The following PDE1A variants were observed in gnomAD, a reference collection of about 807,000 sequenced individuals.
PDE1A encodes dual specificity calcium/calmodulin-dependent 3',5'-cyclic nucleotide phosphodiesterase 1A.
In PDE1A, 35 loss-of-function variants were observed where a neutral mutation model predicts 61.7. The ratio of observed to expected loss-of-function variants is 0.57; its 90% CI spans 0.43 to 0.75. The LOEUF (loss-of-function observed/expected upper bound fraction) is 0.75, where lower values mean the gene tolerates loss of function less well. Ranked by LOEUF, PDE1A falls within the 30% of genes least tolerant of loss-of-function variation. The probability of loss-of-function intolerance (pLI) is 0.00; values close to 1 mark genes in which losing one functional copy is unlikely to be tolerated. For missense variants in PDE1A, 597 were observed against 630.6 expected (o/e 0.95, Z 0.57); for synonymous variants, 232 against 213.2 (o/e 1.09, Z -0.77).
intron 1 of PDE1A, among the ~76,000 whole-genome samples, chr2:182,304,490 G>A (rs1032895431): frequency 6.6e-6 from 1 of 152,196 alleles, no homozygotes; most frequent in Admixed American, 6.5e-5. Context: ...TTTGGCATAA[G>A]AGACATAGTT....
intron 1 of PDE1A, among the ~76,000 whole-genome samples, chr2:182,418,943 T>G (rs1703093461): frequency 6.6e-6 from 1 of 152,156 alleles, no homozygotes; most frequent in African/African-American, 2.4e-5. Context: ...GCGCAGATCA[T>G]TTTAAGCCAC....
the PDE1A span, among the ~76,000 whole-genome samples, chr2:182,553,104 G>A: frequency 1.3e-5 from 2 of 152,188 alleles, no homozygotes; most frequent in African/African-American, 2.4e-5. Flanking sequence ...TGGACTCCAC[G>A]GTTCTCTTCC....
intron 2 of PDE1A, among the ~76,000 whole-genome samples, chr2:182,472,574 G>A (rs553678758): frequency 3.3e-4 from 50 of 151,866 alleles, no homozygotes; most frequent in Non-Finnish European, 6.8e-4. Flanking sequence ...GGGATGAGGA[G>A]GGGTGAATGA....
chr2:182,448,442 T>A (rs770406316), intron 2 of PDE1A, among the ~76,000 whole-genome samples: 10 of 152,042 alleles, frequency 6.6e-5, no homozygotes, highest in Non-Finnish European at 1.3e-4. Flanking sequence ...GATTTACACA[T>A]ATCCCGAAAC....
At chr2:182,181,038 C>T (rs1043819203) in intron 13 of PDE1A, among the ~76,000 whole-genome samples, 4 of 151,952 alleles carry the variant, frequency 2.6e-5, no homozygotes, top group African/African-American at 9.7e-5. Context: ...GAACATGCTC[C>T]TTTAGCTCAG....
At chr2:182,555,208 A>T in the PDE1A span, among the ~76,000 whole-genome samples, 1 of 152,232 alleles carries the variant, frequency 6.6e-6, no homozygotes, top group Non-Finnish European at 1.5e-5. Flanking sequence ...ATCTTAACCA[A>T]AAAAGGATTT....
upstream of PDE1A, among the ~76,000 whole-genome samples, chr2:182,527,358 A>G (rs1690794874): frequency 9.7e-6 from 1 of 103,032 alleles, no homozygotes; most frequent in South Asian, 3.0e-4. Context: ...ATATATATAT[A>G]TATATATATA....
intron 1 of PDE1A, among the ~76,000 whole-genome samples, chr2:182,391,840 C>T (rs2195611): frequency 6.6e-6 from 1 of 151,974 alleles, no homozygotes; most frequent in Non-Finnish European, 1.5e-5. Context: ...TGAAATTGAT[C>T]GGAGGCCTGC....
In PDE1A at chr2:182,411,953, G is replaced by A. The variant is rs922023364; in HGVS notation, c.53+14625C>T. Among the ~76,000 whole-genome samples, 10 of 152,026 alleles carry A rather than the reference G, an allele frequency of 6.6e-5. No individual in the cohort carries two copies. In the East Asian group the frequency reaches 9.7e-4, roughly 15 times the overall value. ...TGTGCCTGTAATCCCAGCTACTCGG[G>A]AGGCTGAGGCAGGAGAATTGCTTGA... On this transcript the variant is annotated intron_variant, in intron 1 of 13. Transcript: ENST00000351439.
intron 1 of PDE1A, among the ~76,000 whole-genome samples, chr2:182,319,280 T>C (rs1696553125): frequency 6.6e-6 from 1 of 152,184 alleles, no homozygotes; most frequent in Non-Finnish European, 1.5e-5. Flanking sequence ...TCTTTATTGA[T>C]GTTATTAAAC....
the PDE1A span, among the ~76,000 whole-genome samples, chr2:182,592,520 G>C: frequency 1.2e-4 from 18 of 152,272 alleles, no homozygotes; most frequent in African/African-American, 4.1e-4. Context: ...AAAATTAAGA[G>C]GTGGTTTTAG....
chr2:182,689,954 C>T, the PDE1A span, among the ~76,000 whole-genome samples: 1 of 152,184 alleles, frequency 6.6e-6, no homozygotes, highest in South Asian at 2.1e-4. Context: ...TTCCTTGACA[C>T]ATACACCCTC....
the PDE1A span, among the ~76,000 whole-genome samples, chr2:182,713,524 G>C: frequency 6.6e-6 from 1 of 152,254 alleles, no homozygotes; most frequent in South Asian, 2.1e-4. Flanking sequence ...CCCACTACTT[G>C]GGAGGCTGAG....
chr2:182,395,594 T>C (rs1026712785), intron 1 of PDE1A, among the ~76,000 whole-genome samples: 1 of 152,162 alleles, frequency 6.6e-6, no homozygotes, highest in African/African-American at 2.4e-5. Context: ...TTTGGGTGTG[T>C]TATGCCAGCC....
the PDE1A span, among the ~76,000 whole-genome samples, chr2:182,538,308 C>T: frequency 6.6e-6 from 1 of 152,092 alleles, no homozygotes; most frequent in Admixed American, 6.5e-5. Flanking sequence ...GACTGTGCCT[C>T]TCTTGCTTTT....
At chr2:182,352,665 T>C (rs910170381) in intron 1 of PDE1A, among the ~76,000 whole-genome samples, 1 of 151,846 alleles carries the variant, frequency 6.6e-6, no homozygotes, top group African/African-American at 2.4e-5. Flanking sequence ...TTTTTTTTTT[T>C]CAGTTAATTT....
intron 1 of PDE1A, among the ~76,000 whole-genome samples, chr2:182,343,491 A>C (rs1046831005): frequency 1.3e-5 from 2 of 152,230 alleles, no homozygotes; most frequent in Non-Finnish European, 2.9e-5. Flanking sequence ...TTAGTATAAT[A>C]TGTTTCTTCT....
chr2:182,453,233 G>A (rs968044321), intron 2 of PDE1A, among the ~76,000 whole-genome samples: 10 of 151,918 alleles, frequency 6.6e-5, no homozygotes, highest in Non-Finnish European at 8.8e-5. Context: ...CCTTTGTTTC[G>A]GCACTATCGT....
the PDE1A span, among the ~76,000 whole-genome samples, chr2:182,640,456 T>A: frequency 1.3e-5 from 2 of 152,174 alleles, no homozygotes; most frequent in East Asian, 3.9e-4. Flanking sequence ...AATATTCTGA[T>A]TGTCCTACCT....
Sources: gnomAD v4.1 joint callset for allele counts (sites outside exome capture counted in the v4.1 genomes callset) on GRCh38, gnomAD v4.1.1 for gene constraint, MANE v1.5 for transcripts, NCBI Gene and HGNC (gene_info 2026-07-23, HGNC 2026-07-21) for gene names.